RTN1: variants seen among roughly 807,000 people sequenced by gnomAD.
RTN1 encodes reticulon-1.
Under a neutral mutation model 65.5 loss-of-function variants are expected in RTN1, and 25 were observed. The ratio of observed to expected loss-of-function variants is 0.38; its 90% CI spans 0.28 to 0.53. The LOEUF (loss-of-function observed/expected upper bound fraction) is 0.53, where lower values mean the gene tolerates loss of function less well. Ranked by LOEUF, RTN1 falls within the 20% of genes least tolerant of loss-of-function variation. The pLI is 0.79. For synonymous variants in RTN1, 471 were observed against 447.6 expected (o/e 1.05, Z -0.66); for missense variants, 983 against 1,025.4 (o/e 0.96, Z 0.57).
intron 3 of RTN1, among the ~76,000 whole-genome samples, chr14:59,620,016 G>C (rs926129498): frequency 3.3e-5 from 5 of 151,948 alleles, no homozygotes; most frequent in Non-Finnish European, 5.9e-5. Context: ...TAAACCTTTA[G>C]GTTGAGCAAA....
At chr14:59,795,080 T>C (rs1025306752) in intron 1 of RTN1, among the ~76,000 whole-genome samples, 5 of 152,224 alleles carry the variant, frequency 3.3e-5, no homozygotes, top group Admixed American at 1.3e-4. Context: ...TCCCATCTGC[T>C]GAGTTCTACA....
At chr14:59,869,314 A>C (rs1887849049) in intron 1 of RTN1, among the ~76,000 whole-genome samples, 1 of 144,304 alleles carries the variant, frequency 6.9e-6, no homozygotes, top group African/African-American at 2.6e-5. Context: ...AGCACCCCCC[A>C]CCCCAGGCCT....
rs774547899 is a variant in RTN1 at position 59,727,686 on chromosome 14, G to A, written c.1016-18C>T. The A allele has an allele frequency of 3.2e-6, 5 of 1,571,824 alleles. No homozygotes were observed. The highest frequency in any genetic ancestry group is 3.6e-5 in the Admixed American group (2 of 55,262). The stretch of plus-strand genomic sequence containing the variant: ...AGATGGTTCTGTCGTCCCACAGAGC[G>A]AAGGAGAGCCACGGAGGCACACACA... On this transcript the variant is annotated intron_variant, in intron 2 of 8. Transcript: ENST00000267484. This position sits in a 1 kb window ranked among gnomAD's most constrained non-coding sequence, Gnocchi z 4.2.
rs911404437 is a variant in RTN1 at position 59,829,832 on chromosome 14, C to G, written c.241+40558G>C. Among the ~76,000 whole-genome samples, 6 of 152,218 alleles carry G rather than the reference C, an allele frequency of 3.9e-5. No individual in the cohort carries two copies. The highest frequency in any genetic ancestry group is 1.4e-4 in the African/African-American group (6 of 41,452). ...TCCTGTTTCATTAGCCAAACCAAAT[C>G]ATATGGCCATACCTAACTTCCAGGG... On this transcript the variant is annotated intron_variant, in intron 1 of 8. Transcript: ENST00000267484. The surrounding 1 kb of genome is among the most constrained non-coding windows in gnomAD (Gnocchi z 4.3).
chr14:59,855,681 A>G (rs1887594078), intron 1 of RTN1, among the ~76,000 whole-genome samples: 1 of 152,146 alleles, frequency 6.6e-6, no homozygotes, highest in Admixed American at 6.5e-5. Flanking sequence ...GAGACTATAT[A>G]TATTGCTTAA....
intron 1 of RTN1, among the ~76,000 whole-genome samples, chr14:59,756,832 C>CTTT (rs199966170): frequency 9.1e-6 from 1 of 110,318 alleles, no homozygotes; most frequent in African/African-American, 4.4e-5. Flanking sequence ...CTCCATAATT[C>CTTT]TTTTTTTTGT....
Position 59,619,072 on chromosome 14 carries a change from A to G in RTN1, c.1766-11580T>C, listed in dbSNP as rs114874744. ...ACAAAGAAAGAGGATGTGGGATGGT[A>G]TGTGAGTGTGGCGGACAATTTGTTA... On this transcript the variant is annotated intron_variant, in intron 3 of 8. Transcript: ENST00000267484. 7.5e-3 allele frequency among the ~76,000 whole-genome samples: 1,138 copies of G among 152,324 alleles called. 18 individuals carry two copies. Among genetic ancestry groups the G allele is most frequent in the African/African-American group, 0.026 (1,089 of 41,582 alleles).
At chr14:59,739,564 G>C (rs1387160541) in intron 2 of RTN1, among the ~76,000 whole-genome samples, 1 of 151,756 alleles carries the variant, frequency 6.6e-6, no homozygotes, top group Non-Finnish European at 1.5e-5. Context: ...AAATGGGAGG[G>C]AGGGAAGTAG....
chr14:59,762,123 A>G (rs1594730430), intron 1 of RTN1, among the ~76,000 whole-genome samples: 1 of 152,070 alleles, frequency 6.6e-6, no homozygotes, highest in South Asian at 2.1e-4. Context: ...GCAGCAGGGC[A>G]TGGCATAGTG....
chr14:59,870,231 G>C lies in RTN1; in HGVS notation c.241+159C>G, dbSNP rs1300722573. 6.6e-6 allele frequency among the ~76,000 whole-genome samples: 1 copy of C among 152,242 alleles called. No homozygotes were observed. The highest frequency in any genetic ancestry group is 6.5e-5 in the Admixed American group (1 of 15,294). On this transcript the variant is annotated intron_variant, in intron 1 of 8. Coordinates refer to ENST00000267484, the MANE Select transcript of RTN1 (RefSeq NM_021136.3). This position sits in a 1 kb window ranked among gnomAD's most constrained non-coding sequence, Gnocchi z 5.1. ...AAAATAAAATTGTTGTTTTCTACCA[G>C]CCCGCGAATATTCCCAGTCGCCCGT...
chr14:59,714,551 A>G (rs1884494197), intron 3 of RTN1, among the ~76,000 whole-genome samples: 1 of 152,154 alleles, frequency 6.6e-6, no homozygotes, highest in African/African-American at 2.4e-5. Flanking sequence ...AGGAAAAGGC[A>G]CAACTGCATC....
chr14:59,815,212 A>G (rs866469500), intron 1 of RTN1, among the ~76,000 whole-genome samples: 48 of 152,224 alleles, frequency 3.2e-4, no homozygotes, highest in African/African-American at 1.1e-3. Flanking sequence ...GCCCTCCTGC[A>G]CTGTGTAAAG....
rs1308706210 is a variant in RTN1, at chr14:59,746,153, T to C, written c.570A>G (p.Lys190=). The C allele has an allele frequency of 1.2e-6, 2 of 1,606,920 alleles. No homozygotes were observed. Among genetic ancestry groups the C allele is most frequent in the Non-Finnish European group, 1.7e-6 (2 of 1,177,532 alleles). The change falls in exon 2 of 9, where the codon AAA becomes AAG. Residue 190 remains lysine, a synonymous_variant. Coordinates refer to ENST00000267484, the MANE Select transcript of RTN1 (RefSeq NM_021136.3). ...KILADPLDQM[K]AEAYKYIDIT... is the part of the protein sequence containing the mutation. ...TGTCAATGTATTTATAGGCCTCTGC[T>C]TTCATCTGGTCCAGAGGGTCTGCTA...
At chr14:59,619,324 C>A (rs1882192716) in intron 3 of RTN1, among the ~76,000 whole-genome samples, 1 of 152,140 alleles carries the variant, frequency 6.6e-6, no homozygotes, top group South Asian at 2.1e-4. Flanking sequence ...ATGATGACAT[C>A]TAAGCAGGGC....
At chr14:59,605,073 G>C in intron 5 of RTN1, 1 of 220,560 alleles carries the variant, frequency 4.5e-6, no homozygotes, top group Non-Finnish European at 8.8e-6. Flanking sequence ...GGTTTAAGGA[G>C]ACAATCTGGT....
At chr14:59,792,959 T>C (rs1463826700) in intron 1 of RTN1, among the ~76,000 whole-genome samples, 1 of 152,158 alleles carries the variant, frequency 6.6e-6, no homozygotes, top group Non-Finnish European at 1.5e-5. Context: ...CATGTGCCAA[T>C]AGCAAGGTAA....
At chr14:59,765,973 T>C (rs1284781422) in intron 1 of RTN1, among the ~76,000 whole-genome samples, 1 of 152,220 alleles carries the variant, frequency 6.6e-6, no homozygotes, top group Non-Finnish European at 1.5e-5. Context: ...CTCACGCCTG[T>C]AATCCCAGCA....
intron 1 of RTN1, among the ~76,000 whole-genome samples, chr14:59,810,126 T>C (rs1358833350): frequency 6.6e-6 from 1 of 152,226 alleles, no homozygotes; most frequent in Non-Finnish European, 1.5e-5. Context: ...TGATCTGGAC[T>C]ATCTTTTTGA....
intron 1 of RTN1, among the ~76,000 whole-genome samples, chr14:59,749,493 A>C (rs1207758222): frequency 1.4e-5 from 1 of 73,882 alleles, no homozygotes; most frequent in East Asian, 3.6e-4. Flanking sequence ...ATATATATCT[A>C]TATATATCTA....
Sources: gnomAD v4.1 joint callset for allele counts (sites outside exome capture counted in the v4.1 genomes callset) on GRCh38, gnomAD v4.1.1 for gene constraint, Gnocchi (gnomAD v3.1) non-coding constraint, MANE v1.5 for transcripts, NCBI Gene and HGNC (gene_info 2026-07-23, HGNC 2026-07-21) for gene names.